Variants in TMPRSS15 observed in about 807,000 individuals in gnomAD.
TMPRSS15 encodes the protein transmembrane serine protease 15.
TMPRSS15 carries 128 observed loss-of-function variants against 125.3 expected under a neutral mutation model. The observed-to-expected ratio is 1.02, with a 90% confidence interval of 0.89 to 1.18. The LOEUF is 1.18. Among genes scored for constraint, TMPRSS15 ranks in the 50% most tolerant of loss-of-function variants. The pLI is 0.00. For synonymous variants in TMPRSS15, 446 were observed against 423.2 expected, an observed-to-expected ratio of 1.05 and a Z score of -0.66; for missense variants, 1,283 against 1,212.7, an observed-to-expected ratio of 1.06 and a Z score of -0.86.
chr21:18,456,997 T>G (rs1273226159), intron 1 of TMPRSS15, among the ~76,000 whole-genome samples: 1 of 152,058 alleles, frequency 6.6e-6, no homozygotes, highest in Non-Finnish European at 1.5e-5. Flanking sequence ...GAATGTTAGG[T>G]TTAAAAAAGT....
At chr21:18,314,533 C>T (rs918696626) in intron 17 of TMPRSS15, among the ~76,000 whole-genome samples, 7 of 152,274 alleles carry the variant, frequency 4.6e-5, no homozygotes, top group African/African-American at 7.2e-5. Flanking sequence ...CCACCTCGGC[C>T]TCCCAAAGTG....
chr21:18,437,451 T>G (rs8131768), intron 1 of TMPRSS15, among the ~76,000 whole-genome samples: 1 of 151,816 alleles, frequency 6.6e-6, no homozygotes, highest in African/African-American at 2.4e-5. Flanking sequence ...AAAGCAATGG[T>G]AACAAAAGCC....
intron 7 of TMPRSS15, among the ~76,000 whole-genome samples, chr21:18,362,447 C>T (rs1193550873): frequency 6.6e-6 from 1 of 152,034 alleles, no homozygotes; most frequent in Non-Finnish European, 1.5e-5. Flanking sequence ...CTCTGCTTTT[C>T]CAAAATAGAT....
rs371406500 is a variant in TMPRSS15, at chr21:18,305,424, G to A, written c.2165+7521C>T. Among the ~76,000 whole-genome samples, 1,018 of 152,094 alleles carry A rather than the reference G, an allele frequency of 6.7e-3. 12 individuals carry two copies. Among genetic ancestry groups the A allele is most frequent in the African/African-American group, 0.023 (973 of 41,500 alleles). On this transcript the variant is annotated intron_variant, in intron 18 of 24. Transcript: ENST00000284885. The stretch of plus-strand genomic sequence containing the variant: ...AGGATGGTCTCCATCTCCTGACCTC[G>A]TGATCCGCCCTTCTCGGCCTCCCAA...
chr21:18,303,368 A>C (rs1459218232), intron 18 of TMPRSS15, among the ~76,000 whole-genome samples: 5 of 152,160 alleles, frequency 3.3e-5, no homozygotes, highest in Admixed American at 3.3e-4. Flanking sequence ...AAAATGAGGA[A>C]AGGAGAAAGA....
chr21:18,413,907 T>C (rs934770781), intron 1 of TMPRSS15, among the ~76,000 whole-genome samples: 6 of 152,166 alleles, frequency 3.9e-5, no homozygotes, highest in Non-Finnish European at 7.4e-5. Context: ...TTTTTATTTT[T>C]TGTAGAGACA....
intron 16 of TMPRSS15, among the ~76,000 whole-genome samples, chr21:18,323,425 A>G (rs2075259238): frequency 2.6e-5 from 4 of 152,188 alleles, no homozygotes; most frequent in African/African-American, 9.7e-5. Context: ...TAAAACCATC[A>G]GATCTCATGA....
intron 1 of TMPRSS15, among the ~76,000 whole-genome samples, chr21:18,448,579 G>A (rs1479557264): frequency 6.6e-6 from 1 of 151,972 alleles, no homozygotes; most frequent in Non-Finnish European, 1.5e-5. Context: ...CTTTTATTTA[G>A]TTGGATTTTT....
At chr21:18,343,753 CT>C (rs1350141268) in intron 11 of TMPRSS15, 97 bp from the exon 12 acceptor site, 3 of 1,420,230 alleles carry the variant, frequency 2.1e-6, no homozygotes, top group Non-Finnish European at 3.0e-6. Context: ...TTGAAATAAT[CT>C]TTTTTTCCTT....
At chr21:18,461,184 T>A (rs2122952330) in intron 1 of TMPRSS15, among the ~76,000 whole-genome samples, 2 of 152,184 alleles carry the variant, frequency 1.3e-5, no homozygotes, top group Admixed American at 6.5e-5. Context: ...AAGATCTCCA[T>A]CCATCACGAT....
Position 18,343,480 on chromosome 21 carries a change from TATAAATA to T in TMPRSS15, c.1428+19_1428+25del. 1 of 1,554,716 alleles carries T rather than the reference TATAAATA, an allele frequency of 6.4e-7. No individual in the cohort carries two copies. Among genetic ancestry groups the T allele is most frequent in the Non-Finnish European group, 8.9e-7 (1 of 1,129,014 alleles). On this transcript the variant is annotated intron_variant, in intron 12 of 24. Transcript: ENST00000284885. ...TGTTCCACCACAAAAAGGATACAAA[TATAAATA>T]ATAAAGTATTTTGCAAACCTTAAAT...
At chr21:18,386,856 C>T (rs575061333) in intron 3 of TMPRSS15, among the ~76,000 whole-genome samples, 1 of 152,148 alleles carries the variant, frequency 6.6e-6, no homozygotes, top group South Asian at 2.1e-4. Context: ...ATTTGAGTTA[C>T]GGAGTAAAAG....
intron 24 of TMPRSS15, 135 bp downstream of exon 24, chr21:18,275,062 G>A: frequency 8.2e-7 from 1 of 1,218,496 alleles, no homozygotes; most frequent in Non-Finnish European, 1.2e-6. Flanking sequence ...TACGCAAATA[G>A]GCAAAAAGTA....
chr21:18,468,857 A>G (rs1371312510), intron 1 of TMPRSS15, among the ~76,000 whole-genome samples: 2 of 152,142 alleles, frequency 1.3e-5, no homozygotes, highest in Admixed American at 6.6e-5. Flanking sequence ...TGCAAGCTGC[A>G]CCCTGTTAGG....
intron 8 of TMPRSS15, among the ~76,000 whole-genome samples, chr21:18,354,662 A>T (rs1569028775): frequency 6.6e-6 from 1 of 151,778 alleles, no homozygotes; most frequent in Non-Finnish European, 1.5e-5. Context: ...ACGAACAGAT[A>T]CACAGAATAT....
upstream of TMPRSS15, among the ~76,000 whole-genome samples, chr21:18,404,026 TAG>T (rs200903091): frequency 6.6e-6 from 1 of 152,132 alleles, no homozygotes; most frequent in Non-Finnish European, 1.5e-5. Flanking sequence ...CTGATATTCA[TAG>T]AGAGAGTTCC....
chr21:18,378,889 C>T (rs2123037996), intron 5 of TMPRSS15, among the ~76,000 whole-genome samples: 1 of 152,114 alleles, frequency 6.6e-6, no homozygotes, highest in South Asian at 2.1e-4. Context: ...GCCACAAGTG[C>T]TGTGTTAACA....
chr21:18,368,393 G>T (rs2075759793), intron 6 of TMPRSS15, among the ~76,000 whole-genome samples: 2 of 152,190 alleles, frequency 1.3e-5, no homozygotes, highest in Non-Finnish European at 2.9e-5. Flanking sequence ...AAGGTCATGT[G>T]ACTGAGTTGG....
intron 1 of TMPRSS15, among the ~76,000 whole-genome samples, chr21:18,450,924 A>G (rs934030193): frequency 2.6e-5 from 4 of 152,220 alleles, no homozygotes; most frequent in African/African-American, 9.6e-5. Context: ...GTATTTGGAC[A>G]TACATGATAC....
Sources: allele counts gnomAD v4.1 joint callset (sites outside exome capture counted in the v4.1 genomes callset), GRCh38; gene constraint gnomAD v4.1.1; transcripts MANE v1.5; gene names NCBI Gene and HGNC (gene_info 2026-07-23, HGNC 2026-07-21).